DENND1C: variants seen among roughly 807,000 people sequenced by gnomAD.
DENND1C encodes the protein DENN domain containing 1C.
A neutral mutation model predicts 87.9 loss-of-function variants in DENND1C; 64 were observed. That is an observed-to-expected ratio of 0.73 (90% confidence interval 0.60 to 0.90). The LOEUF is 0.90. DENND1C is among the 40% of genes least tolerant of loss of function. DENND1C has a pLI of 0.00. For synonymous variants in DENND1C, 384 were observed against 424.4 expected, an observed-to-expected ratio of 0.90 and a Z score of 1.17; for missense variants, 980 against 1,037.0, an observed-to-expected ratio of 0.95 and a Z score of 0.76.
chr19:6,474,318 G>C (rs2092846701), intron 14 of DENND1C, among the ~76,000 whole-genome samples: 1 of 152,174 alleles, frequency 6.6e-6, no homozygotes, highest in African/African-American at 2.4e-5. Flanking sequence ...GGTGGAGACA[G>C]AGGAAGTGGG....
At chr19:6,480,385 A>AT in intron 1 of DENND1C, 1 of 1,228,776 alleles carries the variant, frequency 8.1e-7, no homozygotes, top group African/African-American at 1.5e-5. Context: ...ACTGTCTCCT[A>AT]TATCTGTGGC....
At chr19:6,470,462 T>G in intron 17 of DENND1C, 96 bp from the exon 18 acceptor site, 2 of 1,241,080 alleles carry the variant, frequency 1.6e-6, no homozygotes, top group Non-Finnish European at 2.3e-6. Flanking sequence ...TTTCCCTCTC[T>G]GAGTCTCCAT....
rs774349202 is a variant in DENND1C, at chr19:6,479,873, C to A, written c.112G>T (p.Asp38Tyr). ...AGCCTGAATACCTGGTCCCTGAAGT[C>A]TGGAGGGAACTGCCGCAGGATGGGG... ...DPPILRQFPP[D>Y]FRDQEAMQMV... The change falls in exon 3 of 23, where the codon GAC (aspartate) becomes TAC (tyrosine). Residue 38 changes from aspartate (D) to tyrosine (Y), a missense_variant. Physicochemically the swap from Asp to Tyr is radical, Grantham distance 160 (BLOSUM62 -3). Transcript: ENST00000381480. 32 of 1,609,100 alleles carry A rather than the reference C, an allele frequency of 2.0e-5. No homozygotes were observed. The highest frequency in any genetic ancestry group is 2.3e-5 in the Non-Finnish European group (27 of 1,177,854).
intron 1 of DENND1C, chr19:6,480,279 G>A (rs894290962): frequency 7.0e-7 from 1 of 1,427,582 alleles, no homozygotes; most frequent in Non-Finnish European, 9.2e-7. Context: ...GACTGTGTGT[G>A]TGTGGCTGTG....
chr19:6,477,576 G>A, intron 6 of DENND1C, 118 bp from the exon 7 acceptor site: 1 of 471,160 alleles, frequency 2.1e-6, no homozygotes, highest in South Asian at 8.0e-5. Flanking sequence ...TCAGTCCTGG[G>A]AGTTTTTTTT....
At position 6,475,388 on chromosome 19, in the gene DENND1C, C is replaced by A. The variant is rs752260611; in HGVS notation, c.939G>T (p.Leu313=). The A allele has an allele frequency of 6.2e-7, 1 of 1,611,602 alleles. No homozygotes were observed. The highest frequency in any genetic ancestry group is 8.5e-7 in the Non-Finnish European group (1 of 1,178,462). ...QALPPDVVSL[L]RLRLRKVALA... ...GGGCGACCTTCCTGAGCCGGAGCCTCAGCAGGGACACCTGAAGCACAAGGG... is the reference window on the plus strand; with the variant it reads ...GGGCGACCTTCCTGAGCCGGAGCCTAAGCAGGGACACCTGAAGCACAAGGG... Residue 313 remains leucine, a synonymous_variant, in exon 14 of 23, where the codon CTG becomes CTT. Coordinates refer to ENST00000381480, the MANE Select transcript of DENND1C (RefSeq NM_024898.4).
At position 6,476,035 on chromosome 19, in the gene DENND1C, C is replaced by G. The variant is rs1475274675; in HGVS notation, c.679-98G>C. 4 of 1,122,500 alleles carry G rather than the reference C, an allele frequency of 3.6e-6. No homozygotes were observed. The East Asian group carries it at 7.9e-5, about 22-fold the overall frequency. 69.5% of individuals were successfully genotyped at this position (1,122,500 alleles called of 1,614,324 possible). On this transcript the variant is annotated intron_variant, in intron 10 of 22. Transcript: ENST00000381480. ...CCACGTCCCCAGTCTCCTGTTCCCC[C>G]TCCCCATCCACTGCTGGATAATGAG...
intron 10 of DENND1C, 76 bp from the exon 11 acceptor site, chr19:6,476,013 C>G (rs570862850): frequency 2.9e-5 from 38 of 1,296,172 alleles, no homozygotes; most frequent in Non-Finnish European, 3.1e-5. Context: ...GCATTTCCCA[C>G]GTCCCCAGTC....
At chr19:6,476,522 A>AGTCCCTGG (rs928551571) in intron 10 of DENND1C, 13 of 240,254 alleles carry the variant, frequency 5.4e-5, no homozygotes, top group East Asian at 9.4e-5. Flanking sequence ...TGAGTCCCTG[A>AGTCCCTGG]GTCCCTGGGT....
Position 6,471,307 on chromosome 19 carries a change from T to G in DENND1C, c.1250-2A>C. 6.3e-7 allele frequency: 1 copy of G among 1,598,216 alleles called. No individual in the cohort carries two copies. Among genetic ancestry groups the G allele is most frequent in the Non-Finnish European group, 8.5e-7 (1 of 1,172,380 alleles). On this transcript the variant is annotated splice_acceptor_variant, in intron 16 of 22. Transcript: ENST00000381480. LOFTEE classifies it high-confidence loss of function. ...AGAGCTGATAGGATCGAAGGGCCCC[T>G]GGGGTAAGGAGAGAGTGTGGTGGTC...
In DENND1C at chr19:6,479,918, C is replaced by T. The variant is rs766043603; in HGVS notation, c.83-16G>A. ...ATGGGGGGATCTGTAGAAGAGAGCA[C>T]GCCTCTAAGTTCAGCGACCCAGGCC... On this transcript the variant is annotated splice_polypyrimidine_tract_variant and intron_variant, in intron 2 of 22. Transcript: ENST00000381480. 1.3e-5 allele frequency: 20 copies of T among 1,598,740 alleles called. No homozygotes were observed. The highest frequency in any genetic ancestry group is 4.0e-5 in the African/African-American group (3 of 74,532).
At chr19:6,468,201 G>C (rs756539621) in intron 22 of DENND1C, 33 bp downstream of exon 22, 1 of 1,612,688 alleles carries the variant, frequency 6.2e-7, no homozygotes, top group East Asian at 2.2e-5. Flanking sequence ...GGAAGACTTG[G>C]GGTAGGGTTG....
Position 6,476,853 on chromosome 19 carries a change from T to G in DENND1C, c.678+4A>C. 8 of 1,610,156 alleles carry G rather than the reference T, an allele frequency of 5.0e-6. No homozygotes were observed. Among genetic ancestry groups the G allele is most frequent in the Non-Finnish European group, 6.8e-6 (8 of 1,178,994 alleles). On this transcript the variant is annotated splice_donor_region_variant and intron_variant, in intron 10 of 22. Transcript: ENST00000381480. The stretch of plus-strand genomic sequence containing the variant: ...CCACCCCGGCCCGGCGGACCCCGCC[T>G]CACGGTGCTGAGTTTGCTGGCGGTG...
Position 6,468,602 on chromosome 19 carries a change from C to A in DENND1C, c.1559G>T (p.Gly520Val), listed in dbSNP as rs369109343. Reference sequence around the variant, plus strand: ...CCCCGCCCCTGGGGGCTCGGAAGTTCCCTCTTCCAGCTGGCGTCTCCTGCT... The same window carrying A: ...CCCCGCCCCTGGGGGCTCGGAAGTTACCTCTTCCAGCTGGCGTCTCCTGCT... The part of the protein sequence containing the change: ...RPSRRRQLEE[G>V]TSEPPGAGTP... Residue 520 changes from glycine (G) to valine (V), a missense_variant, in exon 21 of 23, where the codon GGA becomes GTA. By Grantham distance (109) the Gly-to-Val change is moderately radical. Coordinates refer to ENST00000381480, the MANE Select transcript of DENND1C (RefSeq NM_024898.4). The A allele has an allele frequency of 6.6e-7, 1 of 1,516,360 alleles. No individual in the cohort carries two copies. The highest frequency in any genetic ancestry group is 8.8e-7 in the Non-Finnish European group (1 of 1,135,724). 93.9% of individuals were successfully genotyped at this position (1,516,360 alleles called of 1,614,324 possible).
chr19:6,478,749 A>T, intron 6 of DENND1C, 34 bp downstream of exon 6: 3 of 1,590,104 alleles, frequency 1.9e-6, no homozygotes, highest in Non-Finnish European at 2.6e-6. Context: ...GGGGGCTGGG[A>T]CTCCCACAGG....
Position 6,468,130 on chromosome 19 carries a change from G to T in DENND1C, c.1792-12C>A, listed in dbSNP as rs759864509. 1.7e-5 allele frequency: 27 copies of T among 1,611,346 alleles called. No homozygotes were observed. The highest frequency in any genetic ancestry group is 2.3e-5 in the Non-Finnish European group (27 of 1,178,264). On this transcript the variant is annotated splice_polypyrimidine_tract_variant and intron_variant, in intron 22 of 22. Transcript: ENST00000381480. Reference sequence around the variant, plus strand: ...CTTGGTATGTTGGGCTAGGTGAGATGGATAGGGAAGTTGTGGCTTTTAGAT... The same window carrying T: ...CTTGGTATGTTGGGCTAGGTGAGATTGATAGGGAAGTTGTGGCTTTTAGAT...
chr19:6,476,346 TC>T (rs939346479), intron 10 of DENND1C: 15 of 188,070 alleles, frequency 8.0e-5, no homozygotes, highest in African/African-American at 3.6e-4. Context: ...CGGAAGGCAA[TC>T]ATTTGGCCCC....
chr19:6,469,409 C>T, intron 19 of DENND1C, 187 bp downstream of exon 19: 1 of 615,070 alleles, frequency 1.6e-6, no homozygotes. Flanking sequence ...CTTACTGCAA[C>T]CTCCGCCTTC....
Position 6,467,602 on chromosome 19 carries a change from C to A in DENND1C, c.2308G>T (p.Ala770Ser). 1.9e-6 allele frequency: 3 copies of A among 1,581,124 alleles called. No homozygotes were observed. Among genetic ancestry groups the A allele is most frequent in the Admixed American group, 1.9e-5 (1 of 51,766 alleles). Residue 770 changes from alanine (A) to serine (S), a missense_variant, in exon 23 of 23, where the codon GCC (alanine) becomes TCC (serine). Ala to Ser is a moderately conservative substitution (Grantham distance 99). Coordinates refer to ENST00000381480, the MANE Select transcript of DENND1C (RefSeq NM_024898.4). ...AHLQPREEPG[A>S]LNSPATPTSN... ...GTGGGTGTAGCAGGGGAATTCAGGG[C>A]TCCTGGTTCCTCCCGTGGCTGGAGG...
Sources: gnomAD v4.1 joint callset for allele counts (sites outside exome capture counted in the v4.1 genomes callset) on GRCh38, gnomAD v4.1.1 for gene constraint, MANE v1.5 for transcripts, NCBI Gene and HGNC (gene_info 2026-07-23, HGNC 2026-07-21) for gene names.